The following DTWD2 variants were observed in gnomAD, a reference collection of about 807,000 sequenced individuals.
The protein encoded by DTWD2 is DTW motif tRNA-uridine aminocarboxypropyltransferase 2, also known as tRNA-uridine aminocarboxypropyltransferase 2.
A neutral mutation model predicts 31.8 loss-of-function variants in DTWD2; 39 were observed. The observed-to-expected ratio is 1.22, with a 90% CI of 0.95 to 1.60. The LOEUF (loss-of-function observed/expected upper bound fraction) is 1.60. DTWD2 is among the 40% of genes most tolerant of loss of function. The pLI, the probability that DTWD2 is intolerant of heterozygous loss-of-function variation, is 0.00. For synonymous variants in DTWD2, 180 were observed against 142.8 expected (o/e 1.26, Z -1.86); for missense variants, 515 against 381.5 (o/e 1.35, Z -2.92).
intron 5 of DTWD2, 41 bp from the exon 6 acceptor site, chr5:118,841,128 AATC>A (rs766424239): frequency 6.4e-7 from 1 of 1,563,102 alleles, no homozygotes; most frequent in East Asian, 2.4e-5. Context: ...ATCTGTGACA[AATC>A]ATGATATTCT....
intron 4 of DTWD2, among the ~76,000 whole-genome samples, chr5:118,899,185 T>C (rs957862116): frequency 6.6e-6 from 1 of 152,208 alleles, no homozygotes; most frequent in Non-Finnish European, 1.5e-5. Flanking sequence ...AGCACTGAAG[T>C]GCTGTCTAGA....
intron 4 of DTWD2, among the ~76,000 whole-genome samples, chr5:118,862,592 T>C (rs192626362): frequency 8.5e-5 from 13 of 152,332 alleles, no homozygotes; most frequent in African/African-American, 3.1e-4. Flanking sequence ...TTATTTACTT[T>C]GAAGAAACAC....
intron 4 of DTWD2, among the ~76,000 whole-genome samples, chr5:118,886,657 G>GTA (rs1752874974): frequency 6.6e-6 from 1 of 152,048 alleles, no homozygotes; most frequent in Non-Finnish European, 1.5e-5. Flanking sequence ...AGAGAATGCT[G>GTA]TATACTACAT....
intron 4 of DTWD2, among the ~76,000 whole-genome samples, chr5:118,857,832 T>C (rs951326555): frequency 2.6e-5 from 4 of 152,326 alleles, no homozygotes; most frequent in Admixed American, 6.5e-5. Context: ...CTTTCCTCTG[T>C]AGCAGAGAAT....
chr5:118,891,849 C>T (rs904060606), intron 4 of DTWD2, among the ~76,000 whole-genome samples: 1 of 152,112 alleles, frequency 6.6e-6, no homozygotes, highest in African/African-American at 2.4e-5. Context: ...GAACAAACTG[C>T]CTTTCGGTCT....
chr5:118,988,036 A>G, intron 1 of DTWD2: 2 of 699,798 alleles, frequency 2.9e-6, no homozygotes, highest in Non-Finnish European at 5.2e-6. Context: ...AGTTTCTTGG[A>G]AACAGAACTG....
rs1416685783 is a variant in DTWD2, at chr5:118,836,396, G to A, written c.*4521C>T. ...TGGGATTACAGGTGCCTGCCACTAC[G>A]CCTGGCTAATTTTTGTATTTTTAGT... On this transcript the variant is annotated 3_prime_UTR_variant, in exon 6 of 6. Transcript: ENST00000510708. Among the ~76,000 whole-genome samples, 2 of 151,920 alleles carry A rather than the reference G, an allele frequency of 1.3e-5. No individual in the cohort carries two copies. The highest frequency in any genetic ancestry group is 4.8e-5 in the African/African-American group (2 of 41,356).
chr5:118,968,685 C>T (rs1561475780), intron 1 of DTWD2, among the ~76,000 whole-genome samples: 1 of 152,208 alleles, frequency 6.6e-6, no homozygotes, highest in South Asian at 2.1e-4. Context: ...TAGCGCTATG[C>T]GGAGTCTCAA....
chr5:118,885,835 T>C (rs1752851656), intron 4 of DTWD2, among the ~76,000 whole-genome samples: 1 of 151,850 alleles, frequency 6.6e-6, no homozygotes, highest in Non-Finnish European at 1.5e-5. Flanking sequence ...CATGGTAACA[T>C]GCAACTGTAG....
intron 1 of DTWD2, among the ~76,000 whole-genome samples, chr5:118,982,701 T>C (rs1035634804): frequency 6.7e-6 from 1 of 149,096 alleles, no homozygotes; most frequent in Admixed American, 6.7e-5. Flanking sequence ...TTTTTTTTTT[T>C]TTTTTGAGAC....
intron 1 of DTWD2, among the ~76,000 whole-genome samples, chr5:118,946,682 C>A (rs957773614): frequency 1.3e-5 from 2 of 151,786 alleles, no homozygotes; most frequent in African/African-American, 4.8e-5. Flanking sequence ...TTTAATAAAT[C>A]TATTCAAATT....
rs1410626528 is a variant in DTWD2, at chr5:118,840,404, A to T, written c.*513T>A. 6.6e-6 allele frequency: 1 copy of T among 152,206 alleles called. No individual in the cohort carries two copies. The highest frequency in any genetic ancestry group is 1.5e-5 in the Non-Finnish European group (1 of 68,032). The allele number at this position is 152,206 out of a possible 1,614,324, so 9.4% of individuals were successfully genotyped here. A position where few individuals can be genotyped will look rare whatever the true frequency, so the allele number is the denominator to read the frequency against. On this transcript the variant is annotated 3_prime_UTR_variant, in exon 6 of 6. Transcript: ENST00000510708. ...TGAGTTCAAATTTGGCCCCTAAACAATACTTAAAATTTCCTTATTCCTTTA... is the reference window on the plus strand; with the variant it reads ...TGAGTTCAAATTTGGCCCCTAAACATTACTTAAAATTTCCTTATTCCTTTA...
intron 4 of DTWD2, among the ~76,000 whole-genome samples, chr5:118,916,368 T>C (rs1753577004): frequency 6.6e-6 from 1 of 152,182 alleles, no homozygotes; most frequent in African/African-American, 2.4e-5. Flanking sequence ...ATCACTAGTC[T>C]ATTAAAAGAC....
intron 1 of DTWD2, among the ~76,000 whole-genome samples, chr5:118,968,103 C>T (rs1281990675): frequency 1.3e-5 from 2 of 151,710 alleles, no homozygotes; most frequent in African/African-American, 4.8e-5. Flanking sequence ...AATGTATAAC[C>T]TTGCTGTAAT....
At chr5:118,899,736 C>T (rs1345456341) in intron 4 of DTWD2, among the ~76,000 whole-genome samples, 2 of 151,520 alleles carry the variant, frequency 1.3e-5, no homozygotes, top group East Asian at 1.9e-4. Flanking sequence ...AACCATAGTT[C>T]TGTCAGTTTT....
chr5:118,939,883 C>A (rs1228061031), intron 2 of DTWD2, among the ~76,000 whole-genome samples: 1 of 151,946 alleles, frequency 6.6e-6, no homozygotes, highest in Non-Finnish European at 1.5e-5. Flanking sequence ...GGGTTATAAC[C>A]CAAAGTACAA....
rs1264380075 is a variant in DTWD2 at position 118,956,775 on chromosome 5, A to T, written c.219-12126T>A. On this transcript the variant is annotated intron_variant, in intron 1 of 5. Transcript: ENST00000510708. ...ACCTCAACTTTACCAATACTCAACAAAATTTTTATACTCCTAACATAGCGA... is the reference window on the plus strand; with the variant it reads ...ACCTCAACTTTACCAATACTCAACATAATTTTTATACTCCTAACATAGCGA... Among the ~76,000 whole-genome samples the T allele has an allele frequency of 2.0e-5, 3 of 152,266 alleles. No homozygotes were observed. In the South Asian group the frequency reaches 6.2e-4, roughly 32 times the overall value.
At chr5:118,933,231 A>G (rs548698080) in intron 3 of DTWD2, among the ~76,000 whole-genome samples, 2 of 152,314 alleles carry the variant, frequency 1.3e-5, no homozygotes, top group African/African-American at 4.8e-5. Context: ...AATTCTCTCA[A>G]ACATTTCAGG....
intron 4 of DTWD2, among the ~76,000 whole-genome samples, chr5:118,914,337 C>T (rs987670672): frequency 2.0e-5 from 3 of 152,160 alleles, no homozygotes; most frequent in East Asian, 3.8e-4. Context: ...GGACAAAGCA[C>T]ACCATCTTGG....
Sources: allele counts gnomAD v4.1 joint callset (sites outside exome capture counted in the v4.1 genomes callset), GRCh38; gene constraint gnomAD v4.1.1; transcripts MANE v1.5; gene names NCBI Gene and HGNC (gene_info 2026-07-23, HGNC 2026-07-21).